Variants in GMDS observed in about 807,000 individuals in gnomAD.
GMDS encodes the protein GDP-mannose 4,6-dehydratase, also known as GDP-mannose 4,6 dehydratase.
In GMDS, 20 loss-of-function variants were observed where a neutral mutation model predicts 49.9. That is an observed-to-expected ratio of 0.40 (90% CI 0.28 to 0.58). The LOEUF is 0.58. GMDS is among the 20% of genes least tolerant of loss of function. The probability of loss-of-function intolerance (pLI) is 0.42; values close to 1 mark genes in which losing one functional copy is unlikely to be tolerated. For missense variants in GMDS, 362 were observed against 481.4 expected (o/e 0.75, Z 2.32); for synonymous variants, 177 against 178.6 (o/e 0.99, Z 0.07).
chr6:1,786,031 GA>G (rs947347353), intron 7 of GMDS, among the ~76,000 whole-genome samples: 16 of 151,670 alleles, frequency 1.1e-4, no homozygotes, highest in African/African-American at 3.1e-4. Flanking sequence ...AGCGGTAAAG[GA>G]AAAAAAAATT....
intron 6 of GMDS, among the ~76,000 whole-genome samples, chr6:1,959,196 T>C (rs1432727109): frequency 6.6e-6 from 1 of 152,194 alleles, no homozygotes; most frequent in African/African-American, 2.4e-5. Context: ...TCATATTAAG[T>C]ATTTCTCAAT....
At chr6:2,113,412 G>C (rs1013404708) in intron 4 of GMDS, among the ~76,000 whole-genome samples, 1 of 151,654 alleles carries the variant, frequency 6.6e-6, no homozygotes, top group Non-Finnish European at 1.5e-5. Flanking sequence ...TTCAAAACAT[G>C]GGTAGCTGCC....
At chr6:1,683,415 G>A (rs1055753295) in intron 9 of GMDS, among the ~76,000 whole-genome samples, 32 of 152,146 alleles carry the variant, frequency 2.1e-4, no homozygotes, top group African/African-American at 7.5e-4. Context: ...GAGCCACCGC[G>A]CGCGGCCTGG....
chr6:1,885,314 G>A (rs1026503221), intron 7 of GMDS, among the ~76,000 whole-genome samples: 2 of 152,154 alleles, frequency 1.3e-5, no homozygotes, highest in Admixed American at 1.3e-4. Context: ...AAAAAGAAAA[G>A]CTATCTTAGA....
In GMDS at chr6:2,170,511, T is replaced by C. The variant is rs1027838985; in HGVS notation, c.103-45780A>G. Among the ~76,000 whole-genome samples, 25 of 151,892 alleles carry C rather than the reference T, an allele frequency of 1.6e-4. No individual in the cohort carries two copies. The East Asian group carries it at 4.3e-3, about 26-fold the overall frequency. On this transcript the variant is annotated intron_variant, in intron 1 of 10. Transcript: ENST00000380815. ...GCATAGTGGTGCACACCTATAGTCCTAGCTACTCAGGAGGCTGACGTGGGA... is the reference window on the plus strand; with the variant it reads ...GCATAGTGGTGCACACCTATAGTCCCAGCTACTCAGGAGGCTGACGTGGGA...
chr6:2,237,767 C>A (rs1781431567), intron 1 of GMDS, among the ~76,000 whole-genome samples: 1 of 151,986 alleles, frequency 6.6e-6, no homozygotes. Flanking sequence ...GGTGATCTAC[C>A]CACCTTGGCC....
chr6:2,165,578 C>A (rs1777623963), intron 1 of GMDS, among the ~76,000 whole-genome samples: 1 of 152,232 alleles, frequency 6.6e-6, no homozygotes, highest in South Asian at 2.1e-4. Context: ...AAAACACCCT[C>A]ACAGATACAC....
chr6:1,694,963 A>G (rs1765288844), intron 9 of GMDS, among the ~76,000 whole-genome samples: 1 of 152,162 alleles, frequency 6.6e-6, no homozygotes, highest in South Asian at 2.1e-4. Flanking sequence ...TCACAATACC[A>G]CAGAGGAGGG....
At chr6:2,092,381 C>T (rs1238459941) in intron 4 of GMDS, among the ~76,000 whole-genome samples, 1 of 152,176 alleles carries the variant, frequency 6.6e-6, no homozygotes, top group Non-Finnish European at 1.5e-5. Flanking sequence ...CACTCTTTCC[C>T]CTAAACCTTC....
At position 2,207,992 on chromosome 6, in the gene GMDS, AGGT is replaced by A. The variant is rs141507773; in HGVS notation, c.102+37326_102+37328del. Among the ~76,000 whole-genome samples the A allele has an allele frequency of 0.011, 1,685 of 152,080 alleles. 117 individuals are homozygous for A. In the East Asian group the frequency reaches 0.19, roughly 17 times the overall value. ...ATGAAAAACCCAGTCAGGAAAGATG[AGGT>A]GGAAAAGGCAGACAGGTATTCCCTT... On this transcript the variant is annotated intron_variant, in intron 1 of 10. Coordinates refer to ENST00000380815, the MANE Select transcript of GMDS (RefSeq NM_001500.4).
intron 4 of GMDS, among the ~76,000 whole-genome samples, chr6:1,970,971 G>A (rs1229290083): frequency 4.1e-5 from 6 of 146,502 alleles, no homozygotes; most frequent in African/African-American, 1.5e-4. Flanking sequence ...AAAAAGTAGG[G>A]TCCATGGGGG....
intron 1 of GMDS, among the ~76,000 whole-genome samples, chr6:2,130,276 C>T (rs1017958284): frequency 2.0e-5 from 3 of 152,198 alleles, no homozygotes; most frequent in African/African-American, 7.2e-5. Flanking sequence ...ACAGAAATAA[C>T]TCCCATCTCC....
intron 7 of GMDS, among the ~76,000 whole-genome samples, chr6:1,869,865 G>A (rs1758639947): frequency 6.6e-6 from 1 of 152,234 alleles, no homozygotes; most frequent in Non-Finnish European, 1.5e-5. Flanking sequence ...AAAGCAGGGA[G>A]ACTAATTTCT....
chr6:1,841,983 G>A (rs1160065603), intron 7 of GMDS, among the ~76,000 whole-genome samples: 3 of 152,048 alleles, frequency 2.0e-5, no homozygotes, highest in Admixed American at 6.6e-5. Context: ...CTCACAATTC[G>A]GAATGGCATT....
intron 4 of GMDS, among the ~76,000 whole-genome samples, chr6:2,010,426 G>A (rs1225333563): frequency 6.6e-6 from 1 of 150,778 alleles, no homozygotes; most frequent in Non-Finnish European, 1.5e-5. Context: ...CAAACAGAGT[G>A]AAAAAGACCC....
At position 1,806,663 on chromosome 6, in the gene GMDS, A is replaced by G. The variant is rs139605670; in HGVS notation, c.772-64077T>C. ...ATAGATTTGAATTTGTCTAGGTTAG[A>G]ATTTAGGATTCTTACATATCAAAAT... On this transcript the variant is annotated intron_variant, in intron 7 of 10. Coordinates refer to ENST00000380815, the MANE Select transcript of GMDS (RefSeq NM_001500.4). 1.8e-3 allele frequency among the ~76,000 whole-genome samples: 278 copies of G among 152,322 alleles called. 1 individual carries two copies. The highest frequency in any genetic ancestry group is 6.4e-3 in the African/African-American group (267 of 41,578).
chr6:1,706,106 G>A (rs996598557), intron 9 of GMDS, among the ~76,000 whole-genome samples: 1 of 152,198 alleles, frequency 6.6e-6, no homozygotes, highest in Non-Finnish European at 1.5e-5. Flanking sequence ...GCCTCAAATT[G>A]TTGGGGCAAT....
intron 9 of GMDS, among the ~76,000 whole-genome samples, chr6:1,720,228 AG>A (rs112961745): frequency 9.2e-5 from 14 of 152,092 alleles, no homozygotes; most frequent in Admixed American, 3.3e-4. Context: ...AATGCTCTTG[AG>A]GGGGGAGAGC....
At chr6:2,112,367 C>G (rs1440893461) in intron 4 of GMDS, among the ~76,000 whole-genome samples, 1 of 152,076 alleles carries the variant, frequency 6.6e-6, no homozygotes, top group Non-Finnish European at 1.5e-5. Context: ...AGGCAAAGGT[C>G]TAAGAAGAAA....
Sources: allele counts gnomAD v4.1 joint callset (sites outside exome capture counted in the v4.1 genomes callset), GRCh38; gene constraint gnomAD v4.1.1; transcripts MANE v1.5; gene names NCBI Gene and HGNC (gene_info 2026-07-23, HGNC 2026-07-21).